RTEL1: variants seen among roughly 807,000 people sequenced by gnomAD.
RTEL1 encodes regulator of telomere length.
RTEL1 carries 86 observed loss-of-function variants against 162.2 expected under a neutral mutation model. The observed-to-expected ratio is 0.53, with a 90% CI of 0.45 to 0.63. The LOEUF (loss-of-function observed/expected upper bound fraction) is 0.63. RTEL1 is among the 30% of genes least tolerant of loss of function. The pLI is 0.00. For synonymous variants in RTEL1, 958 were observed against 717.9 expected, an observed-to-expected ratio of 1.33 and a Z score of -5.35; for missense variants, 1,941 against 1,750.2, an observed-to-expected ratio of 1.11 and a Z score of -1.95.
chr20:63,690,663 A>G lies in RTEL1; in HGVS notation c.2414-142A>G, dbSNP rs2090716240. 4.7e-6 allele frequency: 5 copies of G among 1,067,778 alleles called. No individual in the cohort carries two copies. The Admixed American group carries it at 1.4e-4, about 31-fold the overall frequency. The allele number at this position is 1,067,778 out of a possible 1,614,324, so 66.1% of individuals were successfully genotyped here. ...CAGGCAAGGATGCCCCCCGAGGCTG[A>G]GACTCCCCCCAATAGCAGGGAGGAC... On this transcript the variant is annotated intron_variant, in intron 26 of 34. Coordinates refer to ENST00000360203, the MANE Select transcript of RTEL1 (RefSeq NM_001283009.2).
At chr20:63,683,908 C>T (rs1426616187) in intron 14 of RTEL1, among the ~76,000 whole-genome samples, 1 of 151,740 alleles carries the variant, frequency 6.6e-6, no homozygotes, top group Non-Finnish European at 1.5e-5. Flanking sequence ...TACATATTCT[C>T]TCTCTAAGTT....
chr20:63,695,908 G>C lies in RTEL1; in HGVS notation c.*50G>C, dbSNP rs754143742. 2.4e-5 allele frequency: 37 copies of C among 1,520,676 alleles called. No individual in the cohort carries two copies. The East Asian group carries it at 4.9e-4, about 20-fold the overall frequency. The allele number at this position is 1,520,676 out of a possible 1,614,324, so 94.2% of individuals were successfully genotyped here. A position where few individuals can be genotyped will look rare whatever the true frequency, so the allele number is the denominator to read the frequency against. On this transcript the variant is annotated 3_prime_UTR_variant, in exon 35 of 35. Coordinates refer to ENST00000360203, the MANE Select transcript of RTEL1 (RefSeq NM_001283009.2). ...CCCAACGTGGCTTGATCACCTGCCT[G>C]TCCAGCTCTGGTGGGCCAAGAACCC...
chr20:63,663,711 C>T (rs914654215), intron 6 of RTEL1, among the ~76,000 whole-genome samples: 1 of 152,210 alleles, frequency 6.6e-6, no homozygotes, highest in Non-Finnish European at 1.5e-5. Context: ...CCTCTGTTTC[C>T]TGCCTCAGTT....
intron 14 of RTEL1, 110 bp downstream of exon 14, chr20:63,680,829 C>T (rs1342149437): frequency 1.4e-5 from 22 of 1,545,446 alleles, no homozygotes; most frequent in Non-Finnish European, 1.9e-5. Context: ...AGAAAGGCCC[C>T]TACACCACCT....
At chr20:63,682,086 C>T (rs2090487488) in intron 14 of RTEL1, 3 of 985,314 alleles carry the variant, frequency 3.0e-6, no homozygotes, top group Middle Eastern at 5.2e-4. Flanking sequence ...GTGAGCTGGC[C>T]CGGGCCTGTC....
At chr20:63,680,624 C>G (rs766796036) in intron 13 of RTEL1, 40 bp from the exon 14 acceptor site, 8 of 1,609,468 alleles carry the variant, frequency 5.0e-6, no homozygotes, top group Non-Finnish European at 6.8e-6. Flanking sequence ...GGGGCCTCCC[C>G]TGCCTGCAGT....
In RTEL1 at chr20:63,694,944, G is replaced by A. The variant is rs752980702; in HGVS notation, c.3313G>A (p.Ala1105Thr). 3.7e-6 allele frequency: 6 copies of A among 1,612,572 alleles called. No homozygotes were observed. The highest frequency in any genetic ancestry group is 4.2e-6 in the Non-Finnish European group (5 of 1,179,870). Residue 1105 changes from alanine to threonine, a missense_variant, in exon 32 of 35, where the codon GCA becomes ACA. Coordinates refer to ENST00000360203, the MANE Select transcript of RTEL1 (RefSeq NM_001283009.2). ...GGCTGTGTTGGCCGCCCTGACCACT[G>A]CAAAGCCAGAGGACTTCCCCCTGCT... ...VLAVLAALTT[A>T]KPEDFPLLHR...
At chr20:63,691,223 T>C (rs2090733787) in intron 27 of RTEL1, among the ~76,000 whole-genome samples, 1 of 151,896 alleles carries the variant, frequency 6.6e-6, no homozygotes, top group South Asian at 2.1e-4. Context: ...TCAGCTTGGC[T>C]CAGTGCACTC....
chr20:63,695,461 G>A lies in RTEL1; in HGVS notation c.3633G>A (p.Gly1211=), dbSNP rs202163308. Residue 1211 remains glycine, a synonymous_variant, in exon 34 of 35, where the codon GGG becomes GGA. Coordinates refer to ENST00000360203, the MANE Select transcript of RTEL1 (RefSeq NM_001283009.2). The stretch of plus-strand genomic sequence containing the variant: ...GCCAGTCCTCAGGACCTCCCCACGG[G>A]CCTGCAGCATCTGAGTGGGGTGAGC... ...GPSQSSGPPH[G]PAASEWGEPH... The A allele has an allele frequency of 1.3e-6, 2 of 1,597,384 alleles. No individual in the cohort carries two copies. Among genetic ancestry groups the A allele is most frequent in the African/African-American group, 2.7e-5 (2 of 74,942 alleles).
intron 27 of RTEL1, 118 bp downstream of exon 27, chr20:63,691,065 G>C: frequency 1.8e-6 from 2 of 1,138,112 alleles, no homozygotes; most frequent in Non-Finnish European, 2.4e-6. Flanking sequence ...CTGCCTGGCA[G>C]GCAGGCGGGC....
intron 14 of RTEL1, chr20:63,682,231 C>T (rs1387427959): frequency 1.0e-6 from 1 of 985,326 alleles, no homozygotes; most frequent in Non-Finnish European, 1.2e-6. Context: ...CCAAGGCTTC[C>T]AGCTATGGAG....
Position 63,693,131 on chromosome 20 carries a change from C to A in RTEL1, c.2852-12C>A, listed in dbSNP as rs745776915. 4 of 1,612,120 alleles carry A rather than the reference C, an allele frequency of 2.5e-6. No homozygotes were observed. Among genetic ancestry groups the A allele is most frequent in the Non-Finnish European group, 3.4e-6 (4 of 1,179,606 alleles). Reference sequence around the variant, plus strand: ...AAGGGGCAGATGGGGACAGACGCCCCTTCCTCTACAGGCTTCTACCAGTTT... The same window carrying A: ...AAGGGGCAGATGGGGACAGACGCCCATTCCTCTACAGGCTTCTACCAGTTT... On this transcript the variant is annotated splice_polypyrimidine_tract_variant and intron_variant, in intron 29 of 34. Transcript: ENST00000360203.
intron 27 of RTEL1, among the ~76,000 whole-genome samples, chr20:63,691,430 G>A (rs1239226140): frequency 2.6e-5 from 4 of 151,924 alleles, no homozygotes; most frequent in African/African-American, 9.7e-5. Context: ...TGCCCTTCAG[G>A]CCCCTGGAGT....
intron 14 of RTEL1, chr20:63,681,171 G>C: frequency 1.0e-6 from 1 of 985,354 alleles, no homozygotes; most frequent in Non-Finnish European, 1.2e-6. Context: ...CCCATGATTG[G>C]GGGTGCGACC....
intron 13 of RTEL1, 149 bp downstream of exon 13, chr20:63,680,095 G>A: frequency 1.6e-6 from 1 of 622,088 alleles, no homozygotes; most frequent in South Asian, 2.0e-5. Flanking sequence ...TCGGGGCGTG[G>A]AGGCGTTAGT....
intron 2 of RTEL1, among the ~76,000 whole-genome samples, chr20:63,660,506 C>G (rs2089997881): frequency 6.6e-6 from 1 of 152,222 alleles, no homozygotes; most frequent in East Asian, 1.9e-4. Context: ...TCCCTTAAAC[C>G]TTGATTCCAT....
chr20:63,659,206 C>T (rs1051860914), intron 1 of RTEL1, 27 bp from the exon 2 acceptor site: 3 of 599,088 alleles, frequency 5.0e-6, no homozygotes, highest in African/African-American at 1.8e-5. Context: ...AGGCTGTCTA[C>T]AAACAGAGTC....
In RTEL1 at chr20:63,695,403, C is replaced by A; in HGVS notation, c.3575C>A (p.Thr1192Asn). Reference protein sequence around the residue: ...SSFLRQRPAGTVGAGGEDAGP... With the variant: ...SSFLRQRPAGNVGAGGEDAGP... Reference sequence around the variant, plus strand: ...TTCCTTAGACAGAGGCCAGCAGGGACTGTGGGGGCGGGCGGTGAGGATGCA... The same window carrying A: ...TTCCTTAGACAGAGGCCAGCAGGGAATGTGGGGGCGGGCGGTGAGGATGCA... The change falls in exon 34 of 35, where the codon ACT (threonine) becomes AAT (asparagine). Residue 1192 changes from threonine to asparagine, a missense_variant. Coordinates refer to ENST00000360203, the MANE Select transcript of RTEL1 (RefSeq NM_001283009.2). The A allele has an allele frequency of 6.4e-7, 1 of 1,559,296 alleles. No homozygotes were observed.
In RTEL1 at chr20:63,689,714, A is replaced by G; in HGVS notation, c.2026-36A>G. On this transcript the variant is annotated intron_variant, in intron 23 of 34. Coordinates refer to ENST00000360203, the MANE Select transcript of RTEL1 (RefSeq NM_001283009.2). ...TGACTGAGCCCCCGCCCCGTGGCCAAGGGAGCCCCCGTGACCGAGCCGCCT... is the reference window on the plus strand; with the variant it reads ...TGACTGAGCCCCCGCCCCGTGGCCAGGGGAGCCCCCGTGACCGAGCCGCCT... 5 of 1,605,896 alleles carry G rather than the reference A, an allele frequency of 3.1e-6. No individual in the cohort carries two copies. In the East Asian group the frequency reaches 6.7e-5, roughly 22 times the overall value.
Sources: gnomAD v4.1 joint callset for allele counts (sites outside exome capture counted in the v4.1 genomes callset) on GRCh38, gnomAD v4.1.1 for gene constraint, MANE v1.5 for transcripts, NCBI Gene and HGNC (gene_info 2026-07-23, HGNC 2026-07-21) for gene names.